Variants in L3MBTL4 observed in about 807,000 individuals in gnomAD.
L3MBTL4 encodes lethal(3)malignant brain tumor-like protein 4.
A neutral mutation model predicts 84.5 loss-of-function variants in L3MBTL4; 70 were observed. That is an observed-to-expected ratio of 0.83 (90% confidence interval 0.68 to 1.01). The LOEUF is 1.01. L3MBTL4 is among the 50% of genes least tolerant of loss of function. The probability of loss-of-function intolerance (pLI) is 0.00; values close to 1 mark genes in which losing one functional copy is unlikely to be tolerated. For missense variants in L3MBTL4, 715 were observed against 754.8 expected, an observed-to-expected ratio of 0.95 and a Z score of 0.62; for synonymous variants, 274 against 259.8, an observed-to-expected ratio of 1.05 and a Z score of -0.52.
At chr18:6,236,249 T>C (rs1024907797) in intron 10 of L3MBTL4, among the ~76,000 whole-genome samples, 1 of 152,132 alleles carries the variant, frequency 6.6e-6, no homozygotes, top group African/African-American at 2.4e-5. Context: ...TACGAACCAA[T>C]GAAAAAGAAC....
chr18:6,308,064 G>A (rs1170625591), intron 3 of L3MBTL4, among the ~76,000 whole-genome samples: 5 of 152,078 alleles, frequency 3.3e-5, no homozygotes, highest in East Asian at 1.9e-4. Context: ...CAATCACCAC[G>A]TGCCTACTTT....
intron 16 of L3MBTL4, among the ~76,000 whole-genome samples, chr18:6,070,781 T>G (rs1433677141): frequency 1.3e-5 from 2 of 152,134 alleles, no homozygotes; most frequent in African/African-American, 4.8e-5. Context: ...GAGGCTGCAT[T>G]GAGCTGTGAT....
chr18:6,116,359 G>GT (rs147840317), intron 14 of L3MBTL4, among the ~76,000 whole-genome samples: 2,295 of 129,892 alleles, frequency 0.018, 31 homozygotes, highest in African/African-American at 0.025. Context: ...GTTGTTGCTG[G>GT]TTTTTTTTTT....
intron 18 of L3MBTL4, among the ~76,000 whole-genome samples, chr18:5,956,891 A>C (rs1054221040): frequency 6.9e-6 from 1 of 144,160 alleles, no homozygotes; most frequent in African/African-American, 2.6e-5. Context: ...ACTCTCTTGA[A>C]ACATTTAATG....
intron 10 of L3MBTL4, among the ~76,000 whole-genome samples, chr18:6,216,976 T>C (rs1432213470): frequency 6.6e-6 from 1 of 152,194 alleles, no homozygotes; most frequent in Non-Finnish European, 1.5e-5. Context: ...TTTTAAAGTA[T>C]GTTAGCATTT....
chr18:6,333,573 CA>C lies in L3MBTL4; in HGVS notation c.-90-21518del, dbSNP rs34185426. On this transcript the variant is annotated intron_variant, in intron 1 of 18. Transcript: ENST00000317931. ...CTGGCGACAAAGTGAGACTCCATCT[CA>C]AAAAAAAAAAAAAAAACCTAATTGT... Among the ~76,000 whole-genome samples the C allele has an allele frequency of 9.6e-3, 632 of 65,822 alleles. 3 individuals are homozygous for C. The highest frequency in any genetic ancestry group is 0.061 in the East Asian group (157 of 2,556). The allele number at this position is 65,822 out of a possible 152,430, so 43.2% of individuals were successfully genotyped here.
In L3MBTL4 at chr18:5,956,334, C is replaced by T; in HGVS notation, c.1731G>A (p.Val577=). ...GTGCTGGGCCCAGTTTGATCTTCATCACTTTGACAATGTCCGTCTGTGTCA... is the reference window on the plus strand; with the variant it reads ...GTGCTGGGCCCAGTTTGATCTTCATTACTTTGACAATGTCCGTCTGTGTCA... The part of the protein sequence containing the change: ...LLLTQTDIVK[V]MKIKLGPALK... The change falls in exon 19 of 19, where the codon GTG becomes GTA. Residue 577 remains valine (V), a synonymous_variant. Coordinates refer to ENST00000317931, the MANE Select transcript of L3MBTL4 (RefSeq NM_001330559.2). The T allele has an allele frequency of 6.2e-7, 1 of 1,614,126 alleles. No individual in the cohort carries two copies. Among genetic ancestry groups the T allele is most frequent in the African/African-American group, 1.3e-5 (1 of 75,022 alleles).
At chr18:5,964,594 G>A (rs1207793624) in intron 17 of L3MBTL4, among the ~76,000 whole-genome samples, 1 of 151,984 alleles carries the variant, frequency 6.6e-6, no homozygotes, top group Non-Finnish European at 1.5e-5. Context: ...CCCTTCCTGT[G>A]TAAAGGCTGC....
intron 15 of L3MBTL4, among the ~76,000 whole-genome samples, chr18:6,090,629 T>G (rs2058418995): frequency 8.7e-6 from 1 of 114,684 alleles, no homozygotes; most frequent in Admixed American, 8.0e-5. Flanking sequence ...CACACATATA[T>G]TTCTTTTTTT....
intron 13 of L3MBTL4, among the ~76,000 whole-genome samples, chr18:6,163,355 AT>A (rs1230820096): frequency 6.6e-6 from 1 of 150,714 alleles, no homozygotes; most frequent in African/African-American, 2.4e-5. Flanking sequence ...GATGACATAT[AT>A]TGAACCACAT....
Position 5,956,018 on chromosome 18 carries a change from C to A in L3MBTL4, c.*202G>T. 5.9e-6 allele frequency: 3 copies of A among 510,364 alleles called. No individual in the cohort carries two copies. Among genetic ancestry groups the A allele is most frequent in the Non-Finnish European group, 1.0e-5 (3 of 291,698 alleles). The allele number at this position is 510,364 out of a possible 1,614,324, so 31.6% of individuals were successfully genotyped here. On this transcript the variant is annotated 3_prime_UTR_variant, in exon 19 of 19. Coordinates refer to ENST00000317931, the MANE Select transcript of L3MBTL4 (RefSeq NM_001330559.2). Reference sequence around the variant, plus strand: ...TAACAATGTTCGTAAACCAAACCCACAGATGGGCCTAAGCCTCTGAGTCAT... The same window carrying A: ...TAACAATGTTCGTAAACCAAACCCAAAGATGGGCCTAAGCCTCTGAGTCAT...
At chr18:6,093,015 G>T (rs1237455130) in intron 15 of L3MBTL4, among the ~76,000 whole-genome samples, 1 of 152,014 alleles carries the variant, frequency 6.6e-6, no homozygotes, top group Non-Finnish European at 1.5e-5. Context: ...TGCCAAAAGA[G>T]GTAATATCTA....
At chr18:6,248,913 C>T (rs1599333178) in intron 5 of L3MBTL4, among the ~76,000 whole-genome samples, 1 of 152,062 alleles carries the variant, frequency 6.6e-6, no homozygotes, top group Non-Finnish European at 1.5e-5. Context: ...TGTAAAATAT[C>T]GTTAAATTTT....
chr18:6,256,572 G>A (rs1318004229), intron 5 of L3MBTL4, among the ~76,000 whole-genome samples: 1 of 151,526 alleles, frequency 6.6e-6, no homozygotes, highest in Admixed American at 6.6e-5. Flanking sequence ...GCTATGAAGA[G>A]GGGAAGGAGG....
chr18:6,038,093 T>A (rs570130591), intron 16 of L3MBTL4, among the ~76,000 whole-genome samples: 42 of 152,224 alleles, frequency 2.8e-4, no homozygotes, highest in African/African-American at 9.6e-4. Flanking sequence ...ATGTTCTAGT[T>A]CAATGACAGA....
At chr18:6,116,356 C>T (rs1468920734) in intron 14 of L3MBTL4, among the ~76,000 whole-genome samples, 1 of 137,036 alleles carries the variant, frequency 7.3e-6, no homozygotes, top group African/African-American at 2.8e-5. Flanking sequence ...GTGGTTGTTG[C>T]TGGTTTTTTT....
chr18:6,189,663 T>C (rs1044782220), intron 12 of L3MBTL4, among the ~76,000 whole-genome samples: 5 of 152,072 alleles, frequency 3.3e-5, no homozygotes, highest in African/African-American at 1.2e-4. Context: ...GATATAAAGT[T>C]GGAGAAATTT....
At chr18:6,277,129 G>A (rs904948628) in intron 4 of L3MBTL4, among the ~76,000 whole-genome samples, 4 of 121,266 alleles carry the variant, frequency 3.3e-5, no homozygotes, top group Non-Finnish European at 4.8e-5. Context: ...ACACTCTGGG[G>A]ACTGTTGTGG....
chr18:6,146,897 C>G (rs1191360507), intron 13 of L3MBTL4, among the ~76,000 whole-genome samples: 1 of 151,582 alleles, frequency 6.6e-6, no homozygotes, highest in Admixed American at 6.6e-5. Flanking sequence ...CCAGTCCTGG[C>G]GAAGGCAAAA....
Sources: gnomAD v4.1 joint callset for allele counts (sites outside exome capture counted in the v4.1 genomes callset) on GRCh38, gnomAD v4.1.1 for gene constraint, MANE v1.5 for transcripts, NCBI Gene and HGNC (gene_info 2026-07-23, HGNC 2026-07-21) for gene names.